Variants in WAPL observed in about 807,000 individuals in gnomAD.
The protein encoded by WAPL is WAPL cohesin release factor.
In WAPL, 5 loss-of-function variants were observed where a neutral mutation model predicts 121.0. That is an observed-to-expected ratio of 0.04 (90% CI 0.02 to 0.09). WAPL has a LOEUF of 0.09. Ranked by LOEUF, WAPL falls within the 10% of genes least tolerant of loss-of-function variation. WAPL has a pLI of 1.00. For missense variants in WAPL, 999 were observed against 1,410.8 expected, an observed-to-expected ratio of 0.71 and a Z score of 4.68; for synonymous variants, 480 against 481.5, an observed-to-expected ratio of 1.00 and a Z score of 0.04.
At chr10:86,471,823 T>TG (rs1266862774) in intron 7 of WAPL, among the ~76,000 whole-genome samples, 16 of 152,134 alleles carry the variant, frequency 1.1e-4, no homozygotes, top group Non-Finnish European at 1.8e-4. Context: ...TTTGTAGACA[T>TG]GGGGTCTCAC....
intron 2 of WAPL, among the ~76,000 whole-genome samples, chr10:86,509,394 T>C (rs536168903): frequency 8.8e-4 from 134 of 152,298 alleles, no homozygotes; most frequent in Middle Eastern, 3.4e-3. Flanking sequence ...CTGCCACTTC[T>C]ATCCTTTCTC....
chr10:86,452,257 T>TA (rs1224358774), intron 14 of WAPL, 126 bp from the exon 15 acceptor site: 1 of 737,684 alleles, frequency 1.4e-6, no homozygotes, highest in Non-Finnish European at 1.9e-6. Context: ...ACAAAATGGC[T>TA]AAAAACCAGT....
intron 4 of WAPL, among the ~76,000 whole-genome samples, chr10:86,483,531 C>CCAA (rs1487712692): frequency 5.3e-5 from 8 of 151,764 alleles, no homozygotes; most frequent in Admixed American, 3.9e-4. Flanking sequence ...TATATTTTAA[C>CCAA]CATTTTAGAA....
chr10:86,467,676 A>AATT (rs1396238797), intron 8 of WAPL, among the ~76,000 whole-genome samples, 170 bp from the exon 9 acceptor site: 1 of 143,550 alleles, frequency 7.0e-6, no homozygotes, highest in African/African-American at 2.6e-5. Flanking sequence ...CCTCTAAAAA[A>AATT]TTTTTTTTTT....
At chr10:86,491,433 C>T (rs1178401805) in intron 4 of WAPL, among the ~76,000 whole-genome samples, 2 of 152,026 alleles carry the variant, frequency 1.3e-5, no homozygotes, top group Admixed American at 6.6e-5. Context: ...GCCACCACGC[C>T]CGGCATGGTT....
chr10:86,501,039 T>C (rs1019884829), intron 2 of WAPL, among the ~76,000 whole-genome samples: 5 of 152,196 alleles, frequency 3.3e-5, no homozygotes, highest in Non-Finnish European at 5.9e-5. Flanking sequence ...GACATGTAAA[T>C]GACTCAGCCA....
chr10:86,499,236 T>G (rs1316804888), intron 3 of WAPL, among the ~76,000 whole-genome samples: 1 of 152,222 alleles, frequency 6.6e-6, no homozygotes, highest in South Asian at 2.1e-4. Flanking sequence ...TCATTAACAC[T>G]TGAAATGCTG....
At chr10:86,517,504 T>C in intron 2 of WAPL, 67 bp downstream of exon 2, 1 of 1,499,196 alleles carries the variant, frequency 6.7e-7, no homozygotes. Context: ...TTTTAGAATT[T>C]AAATCATTTA....
At chr10:86,495,135 A>G (rs535930253) in intron 4 of WAPL, among the ~76,000 whole-genome samples, 12 of 152,352 alleles carry the variant, frequency 7.9e-5, no homozygotes, top group Admixed American at 5.9e-4. Context: ...TTAAATAACA[A>G]AACACTATAA....
At chr10:86,499,255 G>A (rs185809564) in intron 3 of WAPL, among the ~76,000 whole-genome samples, 2 of 152,240 alleles carry the variant, frequency 1.3e-5, no homozygotes, top group Admixed American at 1.3e-4. Context: ...TGTACCTTTA[G>A]ATAAGGTGAT....
intron 3 of WAPL, 147 bp downstream of exon 3, chr10:86,499,571 G>T (rs754678948): frequency 1.4e-6 from 1 of 719,666 alleles, no homozygotes; most frequent in Non-Finnish European, 2.1e-6. Flanking sequence ...TATAATAAAT[G>T]TTATGTGAAT....
intron 12 of WAPL, among the ~76,000 whole-genome samples, chr10:86,457,591 T>G (rs918178481): frequency 6.6e-6 from 1 of 151,630 alleles, no homozygotes; most frequent in African/African-American, 2.4e-5. Flanking sequence ...AGGCAGAGGT[T>G]GCAGTGAGCC....
intron 2 of WAPL, among the ~76,000 whole-genome samples, chr10:86,507,046 A>G (rs1036417496): frequency 1.6e-4 from 24 of 151,170 alleles, no homozygotes; most frequent in Non-Finnish European, 2.4e-4. Context: ...GACAACAAAA[A>G]TAAGTAAGGA....
At chr10:86,455,758 G>A (rs986285382) in intron 12 of WAPL, among the ~76,000 whole-genome samples, 2 of 151,228 alleles carry the variant, frequency 1.3e-5, no homozygotes, top group African/African-American at 4.9e-5. Flanking sequence ...GGGTGAGATG[G>A]GACAGAATAA....
At chr10:86,508,026 C>G (rs1003859050) in intron 2 of WAPL, among the ~76,000 whole-genome samples, 1 of 152,042 alleles carries the variant, frequency 6.6e-6, no homozygotes, top group African/African-American at 2.4e-5. Flanking sequence ...GTCCAGGTTC[C>G]AGATAATGGG....
At chr10:86,464,274 T>A (rs2132185087) in intron 9 of WAPL, among the ~76,000 whole-genome samples, 1 of 152,338 alleles carries the variant, frequency 6.6e-6, no homozygotes, top group East Asian at 1.9e-4. Context: ...CTTAATCATA[T>A]GAGTAAACTA....
intron 11 of WAPL, 91 bp downstream of exon 11, chr10:86,460,308 G>C (rs1841240026): frequency 3.0e-6 from 3 of 990,212 alleles, no homozygotes; most frequent in Non-Finnish European, 1.6e-6. Context: ...TGAACCTCCA[G>C]GGGTATATAA....
rs1157830175 is a variant in WAPL, at chr10:86,499,808, T to C, written c.1435A>G (p.Arg479Gly). ...CQVERKTSKK[R>G]TKTAPSPSLQ... The stretch of plus-strand genomic sequence containing the variant: ...GAGGGTGATGGAGCTGTTTTAGTTC[T>C]TTTTTTGCTTGTCTTTCTTTCTACT... The change falls in exon 3 of 19, where the codon AGA (arginine) becomes GGA (glycine). Residue 479 changes from arginine (R) to glycine (G), a missense_variant. Physicochemically the swap from Arg to Gly is moderately radical, Grantham distance 125. This residue lies in a region of WAPL where 531 missense variants were observed against 563.1 expected (regional missense o/e 0.94). Transcript: ENST00000298767. 1.9e-6 allele frequency: 3 copies of C among 1,613,202 alleles called. No individual in the cohort carries two copies. The highest frequency in any genetic ancestry group is 2.2e-5 in the East Asian group (1 of 44,886).
intron 8 of WAPL, among the ~76,000 whole-genome samples, 158 bp downstream of exon 8, chr10:86,470,834 A>G (rs557530874): frequency 6.6e-6 from 1 of 152,380 alleles, no homozygotes; most frequent in Admixed American, 6.5e-5. Flanking sequence ...ATTAAGCAAA[A>G]GCTTCTGGCC....
Sources: gnomAD v4.1 joint callset for allele counts (sites outside exome capture counted in the v4.1 genomes callset) on GRCh38, gnomAD v4.1.1 for gene constraint, gnomAD v4.1.1 regional missense constraint, MANE v1.5 for transcripts, NCBI Gene and HGNC (gene_info 2026-07-23, HGNC 2026-07-21) for gene names.